The following UNC5B variants were observed in gnomAD, a reference collection of about 807,000 sequenced individuals.
The protein encoded by UNC5B is unc-5 netrin receptor B.
UNC5B carries 56 observed loss-of-function variants against 103.7 expected under a neutral mutation model. That is an observed-to-expected ratio of 0.54 (90% CI 0.44 to 0.67). The LOEUF (loss-of-function observed/expected upper bound fraction) is 0.67. Ranked by LOEUF, UNC5B falls within the 30% of genes least tolerant of loss-of-function variation. UNC5B has a pLI of 0.00. For missense variants in UNC5B, 1,194 were observed against 1,284.5 expected (o/e 0.93, Z 1.08); for synonymous variants, 577 against 542.0 (o/e 1.06, Z -0.90).
At chr10:71,286,609 C>T in intron 4 of UNC5B, 80 bp from the exon 5 acceptor site, 6 of 1,555,876 alleles carry the variant, frequency 3.9e-6, no homozygotes, top group Non-Finnish European at 5.3e-6. Flanking sequence ...ATGGCGTGGA[C>T]CCAGGTAGAA....
chr10:71,227,647 C>CAT (rs1404219652), intron 1 of UNC5B, among the ~76,000 whole-genome samples: 2 of 128,194 alleles, frequency 1.6e-5, no homozygotes, highest in African/African-American at 4.1e-5. Context: ...TACACATATA[C>CAT]ATATATATAC....
In UNC5B at chr10:71,292,921, T is replaced by G. The variant is rs565862639; in HGVS notation, c.1772+367T>G. On this transcript the variant is annotated intron_variant, in intron 11 of 16. Coordinates refer to ENST00000335350, the MANE Select transcript of UNC5B (RefSeq NM_170744.5). ...CAGTAGGTTATGAGAAAATGTTTAG[T>G]CTAATTTGCAGAGAAAACTAATGAA... 5.9e-5 allele frequency among the ~76,000 whole-genome samples: 9 copies of G among 152,300 alleles called. No individual in the cohort carries two copies. The East Asian group carries it at 1.7e-3, about 29-fold the overall frequency.
In UNC5B at chr10:71,291,429, C is replaced by A. The variant is rs749374314; in HGVS notation, c.1295-3C>A. ...GGTCTGACTATAGCCCCTACTCCTG[C>A]AGGCAACCCGCAGCTCCTACACCCC... is the stretch of plus-strand genomic sequence containing the variant. On this transcript the variant is annotated splice_polypyrimidine_tract_variant and splice_region_variant and intron_variant, in intron 9 of 16. Coordinates refer to ENST00000335350, the MANE Select transcript of UNC5B (RefSeq NM_170744.5). The A allele has an allele frequency of 2.9e-5, 47 of 1,595,508 alleles. 1 individual carries two copies. The South Asian group carries it at 4.9e-4, about 17-fold the overall frequency.
At position 71,284,907 on chromosome 10, in the gene UNC5B, C is replaced by A. The variant is rs765831330; in HGVS notation, c.448+44C>A. On this transcript the variant is annotated intron_variant, in intron 3 of 16. Transcript: ENST00000335350. Reference sequence around the variant, plus strand: ...CACCCTGTCCCTGCAGGAACCTTCCCCATCCCTGAGGATGCTGGAGAGGGA... The same window carrying A: ...CACCCTGTCCCTGCAGGAACCTTCCACATCCCTGAGGATGCTGGAGAGGGA... 3.2e-6 allele frequency: 5 copies of A among 1,546,992 alleles called. No homozygotes were observed. The East Asian group carries it at 9.0e-5, about 28-fold the overall frequency.
chr10:71,280,001 G>A lies in UNC5B; in HGVS notation c.260G>A (p.Ser87Asn). The change falls in exon 2 of 17, where the codon AGC becomes AAC. Residue 87 changes from serine (S) to asparagine (N), a missense_variant. Coordinates refer to ENST00000335350, the MANE Select transcript of UNC5B (RefSeq NM_170744.5). ...IYFKCNGEWVSQNDHVTQEGL... is the reference protein window; with the variant it reads ...IYFKCNGEWVNQNDHVTQEGL... ...TTCAAGTGCAACGGCGAGTGGGTCAGCCAGAACGACCACGTCACACAGGAA... is the reference window on the plus strand; with the variant it reads ...TTCAAGTGCAACGGCGAGTGGGTCAACCAGAACGACCACGTCACACAGGAA... The A allele has an allele frequency of 6.2e-7, 1 of 1,614,082 alleles. No individual in the cohort carries two copies. The highest frequency in any genetic ancestry group is 2.2e-5 in the East Asian group (1 of 44,892).
Position 71,298,004 on chromosome 10 carries a change from C to T in UNC5B, c.2586C>T (p.Ile862=). Residue 862 remains isoleucine (I), a synonymous_variant, in exon 16 of 17, where the codon ATC becomes ATT. Transcript: ENST00000335350. ...GPYAFKIPLS[I]RQKICNSLDA... is the part of the protein sequence containing the mutation. The stretch of plus-strand genomic sequence containing the variant: ...ATGCCTTCAAGATCCCACTGTCCAT[C>T]CGCCAGAAGATATGCAACAGCCTAG... 6.2e-7 allele frequency: 1 copy of T among 1,614,050 alleles called. No homozygotes were observed. The highest frequency in any genetic ancestry group is 8.5e-7 in the Non-Finnish European group (1 of 1,180,036).
intron 1 of UNC5B, among the ~76,000 whole-genome samples, chr10:71,274,798 G>A (rs1047705950): frequency 9.9e-5 from 15 of 152,042 alleles, no homozygotes; most frequent in Non-Finnish European, 2.1e-4. Flanking sequence ...TCCTTCCCTG[G>A]GTTCTACCTA....
chr10:71,263,057 G>A lies in UNC5B; in HGVS notation c.80-16764G>A, dbSNP rs557393993. Among the ~76,000 whole-genome samples the A allele has an allele frequency of 5.9e-5, 9 of 152,342 alleles. No homozygotes were observed. In the South Asian group the frequency reaches 1.9e-3, roughly 32 times the overall value. Reference sequence around the variant, plus strand: ...GAACTTTAAGGTGATACCTGGAGAAGGAACAGGGTTTAGCCAGGTAGGGGT... The same window carrying A: ...GAACTTTAAGGTGATACCTGGAGAAAGAACAGGGTTTAGCCAGGTAGGGGT... On this transcript the variant is annotated intron_variant, in intron 1 of 16. Coordinates refer to ENST00000335350, the MANE Select transcript of UNC5B (RefSeq NM_170744.5).
At chr10:71,298,779 G>T (rs1845510548) in intron 16 of UNC5B, among the ~76,000 whole-genome samples, 1 of 152,106 alleles carries the variant, frequency 6.6e-6, no homozygotes, top group Non-Finnish European at 1.5e-5. Flanking sequence ...CTCTCTTGGG[G>T]CCAGTGTCTT....
At chr10:71,284,627 C>A in intron 2 of UNC5B, 93 bp from the exon 3 acceptor site, 1 of 1,567,094 alleles carries the variant, frequency 6.4e-7, no homozygotes, top group Non-Finnish European at 8.6e-7. Flanking sequence ...GGCAAGAGTG[C>A]CAGCAGGATC....
intron 2 of UNC5B, among the ~76,000 whole-genome samples, chr10:71,283,119 CAA>C (rs36031947): frequency 8.3e-5 from 12 of 144,878 alleles, no homozygotes; most frequent in Non-Finnish European, 1.4e-4. Context: ...GACTCCGTCT[CAA>C]AAAAAAAAAG....
chr10:71,286,575 A>G, intron 4 of UNC5B, 114 bp from the exon 5 acceptor site: 1 of 1,340,240 alleles, frequency 7.5e-7, no homozygotes, highest in Non-Finnish European at 1.0e-6. Flanking sequence ...AGTCCCACCA[A>G]GGCCCTGCCT....
chr10:71,299,414 C>G lies in UNC5B; in HGVS notation c.*137C>G, dbSNP rs1236441692. 1.9e-6 allele frequency: 2 copies of G among 1,072,474 alleles called. No individual in the cohort carries two copies. The highest frequency in any genetic ancestry group is 4.7e-5 in the Admixed American group (2 of 42,878). 66.4% of individuals were successfully genotyped at this position (1,072,474 alleles called of 1,614,324 possible). A position where few individuals can be genotyped will look rare whatever the true frequency, so the allele number is the denominator to read the frequency against. ...GAGTTGCCTCTCCTCCTCCTCTTCC[C>G]CAACCCCCAGACCATGACCAGCCTT... is the stretch of plus-strand genomic sequence containing the variant. On this transcript the variant is annotated 3_prime_UTR_variant, in exon 17 of 17. Coordinates refer to ENST00000335350, the MANE Select transcript of UNC5B (RefSeq NM_170744.5).
chr10:71,232,751 A>G (rs1042004772), intron 1 of UNC5B, among the ~76,000 whole-genome samples: 3 of 152,250 alleles, frequency 2.0e-5, no homozygotes, highest in African/African-American at 4.8e-5. Context: ...GATGGATGCC[A>G]GTCCCCCATG....
intron 1 of UNC5B, among the ~76,000 whole-genome samples, chr10:71,264,992 G>T (rs1844493272): frequency 7.3e-6 from 1 of 136,648 alleles, no homozygotes; most frequent in Non-Finnish European, 1.6e-5. Context: ...AAAAAAAAAA[G>T]AGTATGGGCT....
At position 71,284,857 on chromosome 10, in the gene UNC5B, A is replaced by G. The variant is rs772225167; in HGVS notation, c.442A>G (p.Ile148Val). The G allele has an allele frequency of 7.5e-6, 12 of 1,604,510 alleles. No homozygotes were observed. Among genetic ancestry groups the G allele is most frequent in the Non-Finnish European group, 1.0e-5 (12 of 1,175,606 alleles). Reference sequence around the variant, plus strand: ...CAAGAGTCGCCGAGCCTACGTCCGCATCGCCTGTACGCCACCCTGACCCCC... The same window carrying G: ...CAAGAGTCGCCGAGCCTACGTCCGCGTCGCCTGTACGCCACCCTGACCCCC... ...TTKSRRAYVR[I>V]AYLRKNFDQE... The change falls in exon 3 of 17, where the codon ATC becomes GTC. Residue 148 changes from isoleucine to valine, a missense_variant. Physicochemically the swap from Ile to Val is conservative, Grantham distance 29 (BLOSUM62 3). Coordinates refer to ENST00000335350, the MANE Select transcript of UNC5B (RefSeq NM_170744.5).
intron 1 of UNC5B, among the ~76,000 whole-genome samples, chr10:71,257,651 C>G (rs947399763): frequency 6.6e-6 from 1 of 152,222 alleles, no homozygotes. Context: ...GATGTACATG[C>G]CAGGTGCTCC....
chr10:71,289,067 G>C (rs542842051), intron 8 of UNC5B, 77 bp downstream of exon 8: 2 of 1,605,998 alleles, frequency 1.2e-6, no homozygotes, highest in Non-Finnish European at 1.7e-6. Context: ...CCCGGGATCA[G>C]GGTGCAGGGC....
intron 1 of UNC5B, among the ~76,000 whole-genome samples, chr10:71,240,882 A>G (rs1200684980): frequency 1.3e-5 from 2 of 152,242 alleles, no homozygotes; most frequent in Non-Finnish European, 2.9e-5. Flanking sequence ...GGCCAAGAAG[A>G]AGACTTTAAT....
Sources: gnomAD v4.1 joint callset for allele counts (sites outside exome capture counted in the v4.1 genomes callset) on GRCh38, gnomAD v4.1.1 for gene constraint, MANE v1.5 for transcripts, NCBI Gene and HGNC (gene_info 2026-07-23, HGNC 2026-07-21) for gene names.